MEGF8: variants seen among roughly 807,000 people sequenced by gnomAD.
MEGF8 encodes the protein multiple EGF like domains 8.
Under a neutral mutation model 302.9 loss-of-function variants are expected in MEGF8, and 156 were observed. The ratio of observed to expected loss-of-function variants is 0.52; its 90% CI spans 0.45 to 0.59. The LOEUF is 0.59. Ranked by LOEUF, MEGF8 falls within the 20% of genes least tolerant of loss-of-function variation. The probability of loss-of-function intolerance (pLI) is 0.00; values close to 1 mark genes in which losing one functional copy is unlikely to be tolerated. For synonymous variants in MEGF8, 1,621 were observed against 1,660.5 expected (o/e 0.98, Z 0.58); for missense variants, 3,345 against 3,964.5 (o/e 0.84, Z 4.20).
Position 42,326,356 on chromosome 19 carries a change from G to C in MEGF8, c.113G>C (p.Arg38Pro), listed in dbSNP as rs752669700. 1.3e-6 allele frequency: 2 copies of C among 1,587,708 alleles called. No homozygotes were observed. The highest frequency in any genetic ancestry group is 1.7e-6 in the Non-Finnish European group (2 of 1,170,172). The change falls in exon 1 of 42, where the codon CGG becomes CCG. Residue 38 changes from arginine to proline, a missense_variant. Arg to Pro is a moderately radical substitution (Grantham distance 103, BLOSUM62 -2). Coordinates refer to ENST00000251268, the MANE Select transcript of MEGF8 (RefSeq NM_001271938.2). ...GDCKGQRQVL[R>P]EAPGFVTDGA... is the part of the protein sequence containing the mutation. ...TGCAAGGGGCAGCGGCAGGTGCTGC[G>C]GGAGGCGCCAGGCTTCGTGACGGAT... is the stretch of plus-strand genomic sequence containing the variant.
rs555540904 is a variant in MEGF8, at chr19:42,344,344, G to A, written c.1789-97G>A. 15 of 1,463,644 alleles carry A rather than the reference G, an allele frequency of 1.0e-5. No individual in the cohort carries two copies. The East Asian group carries it at 2.3e-4, about 23-fold the overall frequency. The allele number at this position is 1,463,644 out of a possible 1,614,324, so 90.7% of individuals were successfully genotyped here. A position where few individuals can be genotyped will look rare whatever the true frequency, so the allele number is the denominator to read the frequency against. On this transcript the variant is annotated intron_variant, in intron 10 of 41. Coordinates refer to ENST00000251268, the MANE Select transcript of MEGF8 (RefSeq NM_001271938.2). The surrounding 1 kb of genome is among the most constrained non-coding windows in gnomAD (Gnocchi z 4.5). ...CAACTCCCCGTTCTTCAGTTTTTTC[G>A]CCCTTTCCATCGCAGGACCCTGTAT...
At chr19:42,361,082 TG>T in intron 32 of MEGF8, 76 bp downstream of exon 32, 2 of 1,421,062 alleles carry the variant, frequency 1.4e-6, no homozygotes. Context: ...CACACCAGGA[TG>T]GAGGCCTCAG....
At chr19:42,347,994 C>T (rs1353741222) in intron 12 of MEGF8, among the ~76,000 whole-genome samples, 5 of 152,158 alleles carry the variant, frequency 3.3e-5, no homozygotes, top group Non-Finnish European at 5.9e-5. Flanking sequence ...TAAGAAGACA[C>T]TGAAGTGTCC....
chr19:42,336,724 GTGATCACATGGC>G lies in MEGF8; in HGVS notation c.1245-81_1245-70del. 2 of 1,506,818 alleles carry G rather than the reference GTGATCACATGGC, an allele frequency of 1.3e-6. No homozygotes were observed. Among genetic ancestry groups the G allele is most frequent in the South Asian group, 2.7e-5 (2 of 72,996 alleles). 93.3% of individuals were successfully genotyped at this position (1,506,818 alleles called of 1,614,324 possible). ...CAGTCATGGCCAGTCTCATCCCTGG[GTGATCACATGGC>G]TCCTAAGAGCCTGGAGGAGGGAGAG... On this transcript the variant is annotated intron_variant, in intron 6 of 41. Coordinates refer to ENST00000251268, the MANE Select transcript of MEGF8 (RefSeq NM_001271938.2). The surrounding 1 kb of genome is among the most constrained non-coding windows in gnomAD (Gnocchi z 4.8).
chr19:42,351,306 C>A lies in MEGF8; in HGVS notation c.2827C>A (p.Pro943Thr), dbSNP rs1386650004. The A allele has an allele frequency of 1.9e-6, 3 of 1,568,610 alleles. No individual in the cohort carries two copies. Among genetic ancestry groups the A allele is most frequent in the Middle Eastern group, 3.3e-4 (2 of 5,992 alleles). Residue 943 changes from proline to threonine, a missense_variant, in exon 16 of 42, where the codon CCA becomes ACA. Physicochemically the swap from Pro to Thr is conservative, Grantham distance 38. Transcript: ENST00000251268. This position sits in a 1 kb window ranked among gnomAD's most constrained non-coding sequence, Gnocchi z 5.6. ...RGRGRGALKSPEECPPLCSQR... is the reference protein window; with the variant it reads ...RGRGRGALKSTEECPPLCSQR... ...CCGGGGTCGGGGTGCCCTGAAGAGT[C>A]CAGAGGAGTGTCCCCCGCTCTGCAG...
chr19:42,374,545 G>A (rs2039739781), intron 41 of MEGF8, among the ~76,000 whole-genome samples: 2 of 151,678 alleles, frequency 1.3e-5, no homozygotes, highest in Admixed American at 1.3e-4. Flanking sequence ...AGTGACCCTG[G>A]TCTGATCTCA....
rs774267804 is a variant in MEGF8 at position 42,348,298 on chromosome 19, C to T, written c.2124C>T (p.Ile708=). ...DKVSIVRSTT[I]TLTPSAETDV... Reference sequence around the variant, plus strand: ...TCTCAATTGTCCGCAGCACGACCATCACCCTAACACCCAGCGCAGAGACAG... The same window carrying T: ...TCTCAATTGTCCGCAGCACGACCATTACCCTAACACCCAGCGCAGAGACAG... The change falls in exon 13 of 42, where the codon ATC becomes ATT. Residue 708 remains isoleucine (I), a synonymous_variant. Coordinates refer to ENST00000251268, the MANE Select transcript of MEGF8 (RefSeq NM_001271938.2). The T allele has an allele frequency of 4.6e-6, 7 of 1,537,466 alleles. No individual in the cohort carries two copies. Among genetic ancestry groups the T allele is most frequent in the South Asian group, 1.2e-5 (1 of 84,060 alleles).
chr19:42,375,512 C>T lies in MEGF8; in HGVS notation c.7275C>T (p.Ala2425=). Residue 2425 remains alanine (A), a synonymous_variant, in exon 42 of 42, where the codon GCC becomes GCT. Coordinates refer to ENST00000251268, the MANE Select transcript of MEGF8 (RefSeq NM_001271938.2). This position sits in a 1 kb window ranked among gnomAD's most constrained non-coding sequence, Gnocchi z 7.1. ...DRRDCYKYQC[A]KCRESFHGSP... ...GCCTCTAACCCTGCCCGCAGTGCGC[C>T]AAGTGCCGGGAATCATTTCACGGGA... 2 of 1,580,794 alleles carry T rather than the reference C, an allele frequency of 1.3e-6. No homozygotes were observed. Among genetic ancestry groups the T allele is most frequent in the South Asian group, 2.3e-5 (2 of 86,184 alleles).
At chr19:42,366,110 T>C (rs1301675757) in intron 35 of MEGF8, among the ~76,000 whole-genome samples, 1 of 152,138 alleles carries the variant, frequency 6.6e-6, no homozygotes, top group African/African-American at 2.4e-5. Flanking sequence ...TTGGCTTAGA[T>C]TCCACCGCAC....
In MEGF8 at chr19:42,335,211, C is replaced by T. The variant is rs374994765; in HGVS notation, c.735C>T (p.Phe245=). 1.7e-5 allele frequency: 27 copies of T among 1,613,886 alleles called. 1 individual carries two copies. Among genetic ancestry groups the T allele is most frequent in the African/African-American group, 6.7e-5 (5 of 74,928 alleles). The change falls in exon 4 of 42, where the codon TTC becomes TTT. Residue 245 remains phenylalanine (F), a synonymous_variant. Transcript: ENST00000251268. ...CCCCACCAGGGCTGCTGGCAGTTTT[C>T]GGAGGTGAGCAGATGGGGCGAGTAT... is the stretch of plus-strand genomic sequence containing the variant. The part of the protein sequence containing the change: ...FLSPPGLLAV[F]GGQDLNNALG...
Position 42,376,018 on chromosome 19 carries a change from ACCGGCTGGTCATCACCTAC to A in MEGF8, c.7784_7802del (p.Arg2595HisfsTer89). 1 of 1,605,334 alleles carries A rather than the reference ACCGGCTGGTCATCACCTAC, an allele frequency of 6.2e-7. No individual in the cohort carries two copies. Among genetic ancestry groups the A allele is most frequent in the African/African-American group, 1.3e-5 (1 of 75,006 alleles). Reference sequence around the variant, plus strand: ...GTGCTGGTGGTCCGCGGCGTGCGGGACCGGCTGGTCATCACCTACCCACACGAGCACCATGCCCTCAAGT... The same window carrying A: ...GTGCTGGTGGTCCGCGGCGTGCGGGACCACACGAGCACCATGCCCTCAAGT... On this transcript the variant is annotated frameshift_variant, in exon 42 of 42. Transcript: ENST00000251268. LOFTEE classifies it high-confidence loss of function. This position sits in a 1 kb window ranked among gnomAD's most constrained non-coding sequence, Gnocchi z 8.2.
rs2039463101 is a variant in MEGF8, at chr19:42,357,048, G to A, written c.4830+67G>A. 3 of 1,400,614 alleles carry A rather than the reference G, an allele frequency of 2.1e-6. No homozygotes were observed. The highest frequency in any genetic ancestry group is 2.9e-6 in the Non-Finnish European group (3 of 1,041,614). 86.8% of individuals were successfully genotyped at this position (1,400,614 alleles called of 1,614,324 possible). On this transcript the variant is annotated intron_variant, in intron 27 of 41. Coordinates refer to ENST00000251268, the MANE Select transcript of MEGF8 (RefSeq NM_001271938.2). This position sits in a 1 kb window ranked among gnomAD's most constrained non-coding sequence, Gnocchi z 5.2. ...GGCCCTGACAGAGACAGCTGTGGTAGCTCCTGCCAGCTCCATCCCCAGAGG... is the reference window on the plus strand; with the variant it reads ...GGCCCTGACAGAGACAGCTGTGGTAACTCCTGCCAGCTCCATCCCCAGAGG...
At position 42,358,793 on chromosome 19, in the gene MEGF8, C is replaced by T. The variant is rs1316794438; in HGVS notation, c.5182C>T (p.Arg1728Cys). ...ACGCCCCCACTGTCACTAGCGAGATCGTATGAGGAATGTGCGTGGCTCATC... is the reference window on the plus strand; with the variant it reads ...ACGCCCCCACTGTCACTAGCGAGATTGTATGAGGAATGTGCGTGGCTCATC... ...LAPSQGAKRD[R>C]MRNVRGSSRG... Residue 1728 changes from arginine (R) to cysteine (C), a missense_variant, in exon 30 of 42, where the codon CGT (arginine) becomes TGT (cysteine). Transcript: ENST00000251268. The surrounding 1 kb of genome is among the most constrained non-coding windows in gnomAD (Gnocchi z 4.4). 28 of 1,552,530 alleles carry T rather than the reference C, an allele frequency of 1.8e-5. No individual in the cohort carries two copies. The highest frequency in any genetic ancestry group is 2.3e-5 in the East Asian group (1 of 44,156).
chr19:42,353,568 C>T lies in MEGF8; in HGVS notation c.3654C>T (p.Asp1218=). The T allele has an allele frequency of 6.2e-7, 1 of 1,601,636 alleles. No individual in the cohort carries two copies. The highest frequency in any genetic ancestry group is 1.1e-5 in the South Asian group (1 of 89,374). Residue 1218 remains aspartate, a synonymous_variant, in exon 21 of 42, where the codon GAC becomes GAT. Transcript: ENST00000251268. The surrounding 1 kb of genome is among the most constrained non-coding windows in gnomAD (Gnocchi z 6.1). ...CRPCQCNGHG[D]PRRGHCDNLS... ...CCTGCCAGTGCAACGGGCACGGGGA[C>T]CCACGCCGTGGCCACTGCGACAACC...
chr19:42,355,706 A>G, intron 23 of MEGF8, 52 bp from the exon 24 acceptor site: 1 of 1,500,288 alleles, frequency 6.7e-7, no homozygotes, highest in East Asian at 2.4e-5. Context: ...CTGGGGGTGG[A>G]AGGGGCCAGG....
chr19:42,333,773 G>A lies in MEGF8; in HGVS notation c.351+5G>A. The A allele has an allele frequency of 6.2e-7, 1 of 1,613,594 alleles. No homozygotes were observed. The highest frequency in any genetic ancestry group is 1.3e-5 in the African/African-American group (1 of 75,046). ...ATCGAAGCTTCCTCAGGCAAGGTTA[G>A]TGGGGATGGGGCCGTGGCAGATACA... On this transcript the variant is annotated splice_donor_5th_base_variant and intron_variant, in intron 2 of 41. Transcript: ENST00000251268.
At chr19:42,359,791 C>T (rs2039504943) in intron 31 of MEGF8, among the ~76,000 whole-genome samples, 2 of 151,936 alleles carry the variant, frequency 1.3e-5, no homozygotes, top group Admixed American at 1.3e-4. Flanking sequence ...CTCAAGCAAG[C>T]AATCCTCCCT....
intron 12 of MEGF8, among the ~76,000 whole-genome samples, chr19:42,346,804 G>A (rs2039295408): frequency 6.6e-6 from 1 of 151,962 alleles, no homozygotes; most frequent in African/African-American, 2.4e-5. Context: ...CTAACACAGT[G>A]AAGCCCTGTC....
intron 3 of MEGF8, among the ~76,000 whole-genome samples, chr19:42,334,790 T>C (rs2147448199): frequency 6.6e-6 from 1 of 152,316 alleles, no homozygotes; most frequent in Non-Finnish European, 1.5e-5. Flanking sequence ...TGCTTCCTTC[T>C]GATTGTTTCT....
Sources: gnomAD v4.1 joint callset for allele counts (sites outside exome capture counted in the v4.1 genomes callset) on GRCh38, gnomAD v4.1.1 for gene constraint, Gnocchi (gnomAD v3.1) non-coding constraint, MANE v1.5 for transcripts, NCBI Gene and HGNC (gene_info 2026-07-23, HGNC 2026-07-21) for gene names.